Variants in DNM3 observed in about 807,000 individuals in gnomAD.
DNM3 encodes dynamin-3.
In DNM3, 47 loss-of-function variants were observed where a neutral mutation model predicts 101.6. The ratio of observed to expected loss-of-function variants is 0.46; its 90% CI spans 0.37 to 0.59. The LOEUF (loss-of-function observed/expected upper bound fraction) is 0.59. DNM3 is among the 20% of genes least tolerant of loss of function. The pLI is 0.00. For missense variants in DNM3, 849 were observed against 1,085.7 expected (o/e 0.78, Z 3.06); for synonymous variants, 385 against 387.9 (o/e 0.99, Z 0.09).
intron 15 of DNM3, among the ~76,000 whole-genome samples, chr1:172,304,151 C>A (rs1469952914): frequency 1.3e-4 from 19 of 145,596 alleles, no homozygotes; most frequent in Non-Finnish European, 2.4e-4. Context: ...CATGCAGAGA[C>A]ACACATAGGC....
intron 14 of DNM3, among the ~76,000 whole-genome samples, chr1:172,174,972 A>G (rs1194024896): frequency 3.3e-5 from 5 of 151,734 alleles, no homozygotes; most frequent in Admixed American, 3.3e-4. Context: ...TTGTGGATAT[A>G]CTGATTTTTA....
intron 1 of DNM3, among the ~76,000 whole-genome samples, chr1:171,851,012 GGTCC>G (rs2032889217): frequency 6.6e-6 from 1 of 152,188 alleles, no homozygotes; most frequent in African/African-American, 2.4e-5. Flanking sequence ...TGTGGCAGGT[GGTCC>G]CTGCATATTT....
At chr1:172,375,934 G>C (rs2149047979) in intron 17 of DNM3, among the ~76,000 whole-genome samples, 1 of 151,698 alleles carries the variant, frequency 6.6e-6, no homozygotes, top group African/African-American at 2.4e-5. Flanking sequence ...CGAGACTGCA[G>C]TGAGCTATGA....
Position 171,870,329 on chromosome 1 carries a change from A to G in DNM3, c.161+28512A>G, listed in dbSNP as rs529650422. ...CTGAAGATAAATTTTAGGTGGGACC[A>G]ATTACAGACTAATGCAGTTATATAG... On this transcript the variant is annotated intron_variant, in intron 1 of 20. Transcript: ENST00000627582. 3.3e-5 allele frequency among the ~76,000 whole-genome samples: 5 copies of G among 152,302 alleles called. No homozygotes were observed. The East Asian group carries it at 9.6e-4, about 29-fold the overall frequency.
intron 15 of DNM3, among the ~76,000 whole-genome samples, chr1:172,272,169 C>T (rs1349948300): frequency 6.6e-6 from 1 of 152,048 alleles, no homozygotes; most frequent in Non-Finnish European, 1.5e-5. Context: ...TTGAGACAAG[C>T]ACTTCAGGAT....
intron 1 of DNM3, among the ~76,000 whole-genome samples, chr1:171,845,382 C>T (rs114323068): frequency 6.6e-6 from 1 of 152,114 alleles, no homozygotes; most frequent in Admixed American, 6.6e-5. Flanking sequence ...GATCTTGTCT[C>T]TACAGAAAAA....
At chr1:171,965,158 AG>A (rs34125571) in intron 2 of DNM3, among the ~76,000 whole-genome samples, 16,886 of 152,132 alleles carry the variant, frequency 0.11, 1,106 homozygotes, top group East Asian at 0.33. Flanking sequence ...ATGCAAATTA[AG>A]GGTTCACATG....
At chr1:171,876,611 G>A (rs2035808223) in intron 1 of DNM3, among the ~76,000 whole-genome samples, 1 of 152,142 alleles carries the variant, frequency 6.6e-6, no homozygotes. Flanking sequence ...AAGTGGATTA[G>A]GATCATGTTA....
At chr1:172,240,084 A>G (rs940636883) in intron 14 of DNM3, among the ~76,000 whole-genome samples, 5 of 152,040 alleles carry the variant, frequency 3.3e-5, no homozygotes, top group African/African-American at 1.2e-4. Flanking sequence ...CACAGGGAGA[A>G]GGGCTCTTAA....
At chr1:172,198,756 A>G (rs1266166305) in intron 14 of DNM3, among the ~76,000 whole-genome samples, 2 of 151,954 alleles carry the variant, frequency 1.3e-5, no homozygotes, top group Non-Finnish European at 2.9e-5. Context: ...TTAAGTAGTA[A>G]CATTCCCTTT....
At chr1:172,209,851 T>A (rs547740150) in intron 14 of DNM3, among the ~76,000 whole-genome samples, 2 of 152,224 alleles carry the variant, frequency 1.3e-5, no homozygotes, top group African/African-American at 4.8e-5. Flanking sequence ...TTGTAAAATT[T>A]AAAAAATTAA....
chr1:171,915,375 G>A (rs1241959990), intron 1 of DNM3, among the ~76,000 whole-genome samples: 2 of 152,186 alleles, frequency 1.3e-5, no homozygotes, highest in African/African-American at 4.8e-5. Context: ...AATTAGTTGT[G>A]AGATTAGTGT....
intron 1 of DNM3, among the ~76,000 whole-genome samples, chr1:171,914,485 T>A (rs899387285): frequency 6.6e-5 from 10 of 152,170 alleles, no homozygotes; most frequent in African/African-American, 1.7e-4. Context: ...AGGAAAAAAA[T>A]TTTAAAAATA....
At chr1:171,878,281 G>A (rs957211967) in intron 1 of DNM3, among the ~76,000 whole-genome samples, 1 of 151,906 alleles carries the variant, frequency 6.6e-6, no homozygotes, top group African/African-American at 2.4e-5. Flanking sequence ...AATTCCTTGG[G>A]GATAGGGACC....
At chr1:172,235,871 G>A (rs2061523047) in intron 14 of DNM3, among the ~76,000 whole-genome samples, 1 of 152,128 alleles carries the variant, frequency 6.6e-6, no homozygotes, top group Non-Finnish European at 1.5e-5. Flanking sequence ...GGGAGGGATA[G>A]CATTAGGAGA....
intron 14 of DNM3, among the ~76,000 whole-genome samples, chr1:172,250,216 C>A (rs1057266052): frequency 6.6e-6 from 1 of 152,054 alleles, no homozygotes; most frequent in Non-Finnish European, 1.5e-5. Context: ...AAATCTTTTG[C>A]ACAGAAAGTA....
chr1:171,911,090 G>C (rs1187083158), intron 1 of DNM3, among the ~76,000 whole-genome samples: 2 of 152,170 alleles, frequency 1.3e-5, no homozygotes, highest in African/African-American at 2.4e-5. Context: ...GTGGCTTCTA[G>C]AGAGTGAGAG....
rs114276681 is a variant in DNM3 at position 171,918,495 on chromosome 1, G to A, written c.162-3253G>A. On this transcript the variant is annotated intron_variant, in intron 1 of 20. Transcript: ENST00000627582. ...TCAGAAGGAGACATATCTTTAGGAT[G>A]TTCAGATTAGGTGCTCATTCTTCAG... Among the ~76,000 whole-genome samples, 471 of 152,294 alleles carry A rather than the reference G, an allele frequency of 3.1e-3. 4 individuals carry two copies. The highest frequency in any genetic ancestry group is 0.011 in the African/African-American group (452 of 41,566).
At chr1:172,202,099 T>C (rs1201179458) in intron 14 of DNM3, among the ~76,000 whole-genome samples, 1 of 152,174 alleles carries the variant, frequency 6.6e-6, no homozygotes, top group Non-Finnish European at 1.5e-5. Flanking sequence ...ACCTGGATGT[T>C]TCAGTTGAAG....
Sources: allele counts gnomAD v4.1 joint callset (sites outside exome capture counted in the v4.1 genomes callset), GRCh38; gene constraint gnomAD v4.1.1; transcripts MANE v1.5; gene names NCBI Gene and HGNC (gene_info 2026-07-23, HGNC 2026-07-21).